The following PCDH15 variants were observed in gnomAD, a reference collection of about 807,000 sequenced individuals.
The protein encoded by PCDH15 is protocadherin-15.
PCDH15 carries 129 observed loss-of-function variants against 178.5 expected under a neutral mutation model. The ratio of observed to expected loss-of-function variants is 0.72; its 90% CI spans 0.63 to 0.84. PCDH15 has a LOEUF of 0.84. PCDH15 is among the 40% of genes least tolerant of loss of function. The pLI, the probability that PCDH15 is intolerant of heterozygous loss-of-function variation, is 0.00. For missense variants in PCDH15, 2,230 were observed against 2,099.9 expected (o/e 1.06, Z -1.21); for synonymous variants, 800 against 732.0 (o/e 1.09, Z -1.50).
chr10:54,136,246 CTA>C (rs1328369371), intron 14 of PCDH15, among the ~76,000 whole-genome samples: 2 of 152,100 alleles, frequency 1.3e-5, no homozygotes, highest in African/African-American at 2.4e-5. Context: ...CTTATAGAAA[CTA>C]GACTTTGAAG....
chr10:54,332,967 GC>G (rs1357188810), intron 6 of PCDH15, among the ~76,000 whole-genome samples: 2 of 151,968 alleles, frequency 1.3e-5, no homozygotes, highest in Admixed American at 1.3e-4. Flanking sequence ...TGAGATGGAT[GC>G]AGTCTTGCTC....
At chr10:54,085,206 T>C (rs922439522) in intron 16 of PCDH15, among the ~76,000 whole-genome samples, 1 of 152,024 alleles carries the variant, frequency 6.6e-6, no homozygotes, top group Admixed American at 6.6e-5. Context: ...CAAACTGATA[T>C]GAAAAATATA....
At chr10:54,579,572 A>G (rs1270552145) in intron 2 of PCDH15, among the ~76,000 whole-genome samples, 1 of 152,040 alleles carries the variant, frequency 6.6e-6, no homozygotes, top group African/African-American at 2.4e-5. Flanking sequence ...CATTAGAGAG[A>G]TCATCAATGC....
intron 26 of PCDH15, among the ~76,000 whole-genome samples, chr10:53,902,550 T>C (rs999861763): frequency 6.6e-5 from 10 of 152,138 alleles, no homozygotes; most frequent in African/African-American, 2.4e-4. Flanking sequence ...CTCAGTAAAA[T>C]TCAATCTTTA....
chr10:54,449,662 C>G (rs1051186009), intron 3 of PCDH15, among the ~76,000 whole-genome samples: 4 of 151,598 alleles, frequency 2.6e-5, no homozygotes, highest in Non-Finnish European at 5.9e-5. Flanking sequence ...GTTGTTTATC[C>G]CTAAGCAAGA....
At chr10:55,074,857 T>C (rs750279810) in intron 2 of PCDH15, among the ~76,000 whole-genome samples, 2 of 152,198 alleles carry the variant, frequency 1.3e-5, no homozygotes, top group Admixed American at 6.5e-5. Flanking sequence ...GGGTTTTACA[T>C]TTAAGTCTTT....
chr10:55,391,214 T>A (rs1483476664), intron 2 of PCDH15, among the ~76,000 whole-genome samples: 1 of 152,090 alleles, frequency 6.6e-6, no homozygotes, highest in African/African-American at 2.4e-5. Context: ...GACTTGTGAC[T>A]TCACCTTGAA....
At chr10:54,447,119 T>A (rs2076187900) in intron 3 of PCDH15, among the ~76,000 whole-genome samples, 1 of 151,624 alleles carries the variant, frequency 6.6e-6, no homozygotes, top group South Asian at 2.1e-4. Context: ...TGGAATAAAC[T>A]TTTATCTATC....
intron 3 of PCDH15, among the ~76,000 whole-genome samples, chr10:54,523,189 G>A (rs996700561): frequency 2.0e-5 from 3 of 152,050 alleles, no homozygotes; most frequent in Non-Finnish European, 2.9e-5. Flanking sequence ...CAAAAACTTG[G>A]ATCAATAATA....
At chr10:55,414,797 G>C (rs1199507669) in intron 2 of PCDH15, among the ~76,000 whole-genome samples, 3 of 150,054 alleles carry the variant, frequency 2.0e-5, no homozygotes, top group Non-Finnish European at 3.0e-5. Flanking sequence ...GTGTGTGTGT[G>C]TGTGTGTCTG....
At chr10:54,291,127 A>G (rs2059379207) in intron 8 of PCDH15, among the ~76,000 whole-genome samples, 1 of 152,228 alleles carries the variant, frequency 6.6e-6, no homozygotes, top group Admixed American at 6.5e-5. Context: ...ATTGTCTCTC[A>G]GACCACAGTG....
At chr10:55,081,803 G>C (rs1475285336) in intron 2 of PCDH15, among the ~76,000 whole-genome samples, 1 of 152,086 alleles carries the variant, frequency 6.6e-6, no homozygotes, top group East Asian at 1.9e-4. Flanking sequence ...ATGGTATTTT[G>C]TTATAGCAGG....
chr10:55,134,866 A>T (rs1838146331), intron 2 of PCDH15, among the ~76,000 whole-genome samples: 2 of 152,170 alleles, frequency 1.3e-5, no homozygotes, highest in African/African-American at 4.8e-5. Context: ...CACAGATAGG[A>T]TTTCTCCAGG....
At chr10:53,843,763 T>C (rs2132819852) in intron 28 of PCDH15, among the ~76,000 whole-genome samples, 1 of 152,234 alleles carries the variant, frequency 6.6e-6, no homozygotes, top group African/African-American at 2.4e-5. Flanking sequence ...GATTCAGGGC[T>C]TTTCATAAAA....
At chr10:55,599,965 G>A (rs1356830669) in intron 2 of PCDH15, 2 of 1,505,652 alleles carry the variant, frequency 1.3e-6, no homozygotes, top group South Asian at 1.3e-5. Context: ...CTATGAAGAG[G>A]CGGGTATAAA....
chr10:54,853,402 C>CAT (rs1554806865), intron 3 of PCDH15, among the ~76,000 whole-genome samples: 15 of 141,826 alleles, frequency 1.1e-4, no homozygotes, highest in East Asian at 8.1e-4. Flanking sequence ...TATATACACA[C>CAT]ACATATATAT....
At position 54,419,243 on chromosome 10, in the gene PCDH15, T is replaced by TACACACACACACAC. The variant is rs146831797; in HGVS notation, c.158-40315_158-40302dup. 4.7e-3 allele frequency among the ~76,000 whole-genome samples: 705 copies of TACACACACACACAC among 150,652 alleles called. 2 individuals are homozygous for TACACACACACACAC. Among genetic ancestry groups the TACACACACACACAC allele is most frequent in the African/African-American group, 0.01 (412 of 41,074 alleles). On this transcript the variant is annotated intron_variant, in intron 3 of 37. Transcript: ENST00000644397. Reference sequence around the variant, plus strand: ...CCACATATACATATACATATATACATACACACACACACACACATTCACACC... The same window carrying TACACACACACACAC: ...CCACATATACATATACATATATACATACACACACACACACACACACACACACACACATTCACACC...
chr10:54,664,299 A>C lies in PCDH15; in HGVS notation c.-28-9T>G. ...GTTCACTCAAAGCTGATCTGAAATA[A>C]GAAAAGGTAGAAAGAAACATTTGAC... On this transcript the variant is annotated splice_polypyrimidine_tract_variant and intron_variant, in intron 1 of 37. Transcript: ENST00000644397. 6.7e-7 allele frequency: 1 copy of C among 1,495,544 alleles called. No individual in the cohort carries two copies. The allele number at this position is 1,495,544 out of a possible 1,614,324, so 92.6% of individuals were successfully genotyped here.
chr10:54,136,286 T>C (rs2042893266), intron 14 of PCDH15, among the ~76,000 whole-genome samples: 1 of 152,126 alleles, frequency 6.6e-6, no homozygotes, highest in Non-Finnish European at 1.5e-5. Flanking sequence ...TCATGAAAAG[T>C]ACAATATGTA....
Sources: allele counts gnomAD v4.1 joint callset (sites outside exome capture counted in the v4.1 genomes callset), GRCh38; gene constraint gnomAD v4.1.1; transcripts MANE v1.5; gene names NCBI Gene and HGNC (gene_info 2026-07-23, HGNC 2026-07-21).